Variants in KCNK2 observed in about 807,000 individuals in gnomAD.
KCNK2 encodes the protein potassium channel subfamily K member 2.
A neutral mutation model predicts 40.5 loss-of-function variants in KCNK2; 21 were observed. That is an observed-to-expected ratio of 0.52 (90% CI 0.37 to 0.75). The LOEUF (loss-of-function observed/expected upper bound fraction) is 0.75, where lower values mean the gene tolerates loss of function less well. Ranked by LOEUF, KCNK2 falls within the 30% of genes least tolerant of loss-of-function variation. KCNK2 has a pLI of 0.00. For missense variants in KCNK2, 399 were observed against 531.6 expected, an observed-to-expected ratio of 0.75 and a Z score of 2.45; for synonymous variants, 191 against 202.2, an observed-to-expected ratio of 0.94 and a Z score of 0.47.
At chr1:215,018,661 T>A (rs933557803) in intron 1 of KCNK2, among the ~76,000 whole-genome samples, 7 of 152,048 alleles carry the variant, frequency 4.6e-5, no homozygotes, top group Non-Finnish European at 1.0e-4. Context: ...GTCCTATGTG[T>A]TGGGAGACAA....
At chr1:215,176,580 TA>T (rs1335310095) in intron 5 of KCNK2, among the ~76,000 whole-genome samples, 1 of 152,094 alleles carries the variant, frequency 6.6e-6, no homozygotes, top group Non-Finnish European at 1.5e-5. Flanking sequence ...TAAGTGAGAA[TA>T]TGTGGTGTTT....
chr1:215,059,927 C>T (rs1204070308), intron 1 of KCNK2, among the ~76,000 whole-genome samples: 5 of 152,130 alleles, frequency 3.3e-5, no homozygotes, highest in African/African-American at 1.2e-4. Flanking sequence ...GAGAGGAGAC[C>T]CTCCAGCAGG....
intron 3 of KCNK2, among the ~76,000 whole-genome samples, chr1:215,131,118 C>T (rs1186788294): frequency 1.3e-5 from 2 of 151,376 alleles, no homozygotes; most frequent in Admixed American, 1.3e-4. Flanking sequence ...CCTCGGCCTC[C>T]CAAAGTGCTG....
chr1:215,103,540 G>A (rs1423412668), intron 2 of KCNK2, among the ~76,000 whole-genome samples: 1 of 151,930 alleles, frequency 6.6e-6, no homozygotes, highest in Admixed American at 6.6e-5. Context: ...GAGTTCCAAA[G>A]CTTCACATCA....
At chr1:215,155,675 A>AC (rs1446793600) in intron 3 of KCNK2, among the ~76,000 whole-genome samples, 3 of 152,016 alleles carry the variant, frequency 2.0e-5, no homozygotes, top group Non-Finnish European at 4.4e-5. Context: ...ATGCACCACC[A>AC]CACACAGCTA....
intron 6 of KCNK2, among the ~76,000 whole-genome samples, chr1:215,232,698 T>C (rs1666718505): frequency 6.6e-6 from 1 of 152,156 alleles, no homozygotes; most frequent in Non-Finnish European, 1.5e-5. Context: ...AAAAACATAT[T>C]TTTTAAGATA....
chr1:215,010,857 T>G (rs2601648), intron 1 of KCNK2, among the ~76,000 whole-genome samples: 37,984 of 105,352 alleles, frequency 0.36, 5,125 homozygotes, highest in South Asian at 0.6. Context: ...ACAGATTTTT[T>G]TTTTTTTTTT....
intron 4 of KCNK2, among the ~76,000 whole-genome samples, chr1:215,171,651 A>G (rs1321892700): frequency 2.0e-5 from 3 of 152,182 alleles, no homozygotes; most frequent in Non-Finnish European, 4.4e-5. Context: ...AGGTAAACAA[A>G]TAATGATGCA....
At chr1:215,200,195 T>C (rs373280320) in intron 6 of KCNK2, among the ~76,000 whole-genome samples, 1 of 152,226 alleles carries the variant, frequency 6.6e-6, no homozygotes, top group East Asian at 1.9e-4. Flanking sequence ...ACAACGCTAG[T>C]GCCAAGAAGC....
intron 3 of KCNK2, among the ~76,000 whole-genome samples, chr1:215,135,261 A>C (rs2102594190): frequency 6.6e-6 from 1 of 152,242 alleles, no homozygotes; most frequent in African/African-American, 2.4e-5. Context: ...GCCACTAGCT[A>C]GGCAAAGCTA....
At chr1:215,180,841 G>A (rs1342175159) in intron 5 of KCNK2, among the ~76,000 whole-genome samples, 1 of 152,108 alleles carries the variant, frequency 6.6e-6, no homozygotes, top group Non-Finnish European at 1.5e-5. Flanking sequence ...ATGCCTTGGT[G>A]ATGTTTGTTT....
chr1:215,154,737 C>T (rs1189665125), intron 3 of KCNK2, among the ~76,000 whole-genome samples: 1 of 151,920 alleles, frequency 6.6e-6, no homozygotes, highest in Non-Finnish European at 1.5e-5. Flanking sequence ...GTCTTTAATC[C>T]ATCTTGAGTT....
At chr1:215,227,432 G>T (rs967696615) in intron 6 of KCNK2, among the ~76,000 whole-genome samples, 1 of 152,128 alleles carries the variant, frequency 6.6e-6, no homozygotes, top group Non-Finnish European at 1.5e-5. Context: ...AGAGAGAGAA[G>T]AATTTTGAGG....
intron 3 of KCNK2, among the ~76,000 whole-genome samples, chr1:215,167,040 A>T (rs893605228): frequency 6.6e-6 from 1 of 152,210 alleles, no homozygotes; most frequent in Non-Finnish European, 1.5e-5. Context: ...TTGACTAGCA[A>T]TGAACACGGA....
chr1:215,105,870 T>A (rs185648284), intron 2 of KCNK2, among the ~76,000 whole-genome samples: 1 of 152,258 alleles, frequency 6.6e-6, no homozygotes, highest in East Asian at 1.9e-4. Context: ...TCTGCATTAG[T>A]TTACTGAGGA....
chr1:215,200,684 G>A (rs1313767200), intron 6 of KCNK2, among the ~76,000 whole-genome samples: 2 of 152,150 alleles, frequency 1.3e-5, no homozygotes, highest in South Asian at 2.1e-4. Context: ...ACTATCAAAC[G>A]AAGGGTCTAG....
chr1:215,216,061 T>C (rs1388330752), intron 6 of KCNK2, among the ~76,000 whole-genome samples: 4 of 152,188 alleles, frequency 2.6e-5, no homozygotes, highest in Non-Finnish European at 4.4e-5. Context: ...AATTTGGCAG[T>C]GCTATATTTA....
chr1:215,162,125 A>G (rs149918049), intron 3 of KCNK2, among the ~76,000 whole-genome samples: 1,988 of 152,258 alleles, frequency 0.013, 37 homozygotes, highest in African/African-American at 0.043. Flanking sequence ...TCTAACTGAT[A>G]TGACATGGTA....
intron 1 of KCNK2, among the ~76,000 whole-genome samples, chr1:215,070,949 C>T (rs1658736457): frequency 6.6e-6 from 1 of 152,094 alleles, no homozygotes; most frequent in African/African-American, 2.4e-5. Flanking sequence ...GGCAATTGTC[C>T]TGAGCAAATT....
Sources: allele counts gnomAD v4.1 joint callset (sites outside exome capture counted in the v4.1 genomes callset), GRCh38; gene constraint gnomAD v4.1.1; transcripts MANE v1.5; gene names NCBI Gene and HGNC (gene_info 2026-07-23, HGNC 2026-07-21).